The following WDR88 variants were observed in gnomAD, a reference collection of about 807,000 sequenced individuals.
The protein encoded by WDR88 is WD repeat-containing protein 88.
WDR88 carries 40 observed loss-of-function variants against 46.8 expected under a neutral mutation model. That is an observed-to-expected ratio of 0.86 (90% CI 0.66 to 1.11). The LOEUF (loss-of-function observed/expected upper bound fraction) is 1.11, where lower values mean the gene tolerates loss of function less well. Ranked by LOEUF, WDR88 falls within the 50% of genes most tolerant of loss-of-function variation. The pLI, the probability that WDR88 is intolerant of heterozygous loss-of-function variation, is 0.00. For synonymous variants in WDR88, 235 were observed against 240.7 expected (o/e 0.98, Z 0.22); for missense variants, 562 against 602.4 (o/e 0.93, Z 0.70).
intron 1 of WDR88, among the ~76,000 whole-genome samples, chr19:33,133,596 C>G (rs898342021): frequency 2.6e-5 from 4 of 152,222 alleles, no homozygotes; most frequent in Non-Finnish European, 4.4e-5. Flanking sequence ...ATTTATTGCA[C>G]TCACATGCAG....
Position 33,132,454 on chromosome 19 carries a change from C to T in WDR88, c.276+9C>T, listed in dbSNP as rs754830898. 1 of 1,613,140 alleles carries T rather than the reference C, an allele frequency of 6.2e-7. No homozygotes were observed. The highest frequency in any genetic ancestry group is 1.7e-5 in the Admixed American group (1 of 60,016). Reference sequence around the variant, plus strand: ...AGGACCCTCTCTCCAAGGTCAGAACCGCCGCTGGGGTGAGGGGGCACTGGC... The same window carrying T: ...AGGACCCTCTCTCCAAGGTCAGAACTGCCGCTGGGGTGAGGGGGCACTGGC... On this transcript the variant is annotated intron_variant, in intron 1 of 10. Transcript: ENST00000355868.
intron 2 of WDR88, 28 bp downstream of exon 2, chr19:33,137,815 G>A (rs772763433): frequency 6.3e-7 from 1 of 1,599,634 alleles, no homozygotes; most frequent in Non-Finnish European, 8.5e-7. Context: ...AGGTACTCCT[G>A]GAGCGAAAAC....
chr19:33,156,793 C>T (rs1451917234), intron 7 of WDR88, among the ~76,000 whole-genome samples: 3 of 152,176 alleles, frequency 2.0e-5, no homozygotes, highest in East Asian at 3.9e-4. Flanking sequence ...TCCAAGAGCA[C>T]GTCTGACTTC....
At chr19:33,142,901 G>A (rs949953027) in intron 2 of WDR88, 3 of 139,320 alleles carry the variant, frequency 2.2e-5, no homozygotes, top group Non-Finnish European at 4.6e-5. Flanking sequence ...CGGGAATAAC[G>A]TGGGAGAATT....
intron 10 of WDR88, chr19:33,174,543 C>T: frequency 1.0e-6 from 1 of 984,676 alleles, no homozygotes. Context: ...TTTCAGTGTA[C>T]TCTGTGAGCT....
chr19:33,174,372 A>T, intron 10 of WDR88: 4 of 1,431,762 alleles, frequency 2.8e-6, no homozygotes, highest in Non-Finnish European at 3.7e-6. Flanking sequence ...GGGCTGGGAG[A>T]GCCAGGGCAG....
At chr19:33,133,358 G>C (rs934537352) in intron 1 of WDR88, among the ~76,000 whole-genome samples, 2 of 151,948 alleles carry the variant, frequency 1.3e-5, no homozygotes, top group African/African-American at 4.8e-5. Context: ...GACCAGCCTG[G>C]CTAACATGGT....
At chr19:33,148,154 C>A (rs1973557827) in intron 4 of WDR88, among the ~76,000 whole-genome samples, 1 of 151,904 alleles carries the variant, frequency 6.6e-6, no homozygotes, top group Non-Finnish European at 1.5e-5. Flanking sequence ...AGTCTGTTCT[C>A]TTTATATCTT....
intron 2 of WDR88, among the ~76,000 whole-genome samples, 153 bp from the exon 3 acceptor site, chr19:33,144,691 T>C (rs10411926): frequency 0.39 from 59,478 of 152,040 alleles, 12,377 homozygotes; most frequent in South Asian, 0.62. Flanking sequence ...CAAAGTCCTT[T>C]CCTCTTTCGG....
intron 9 of WDR88, among the ~76,000 whole-genome samples, chr19:33,165,630 C>T (rs1018003333): frequency 3.9e-5 from 6 of 152,174 alleles, no homozygotes; most frequent in South Asian, 2.1e-4. Context: ...AAGTGGCTCA[C>T]GCCTGTAATC....
At chr19:33,156,855 CTCTG>C (rs1050847382) in intron 7 of WDR88, among the ~76,000 whole-genome samples, 25 of 152,188 alleles carry the variant, frequency 1.6e-4, no homozygotes, top group African/African-American at 6.0e-4. Context: ...AACCCTTCCA[CTCTG>C]TCTTTCAACC....
chr19:33,168,919 A>G (rs1973995181), intron 9 of WDR88, among the ~76,000 whole-genome samples: 1 of 152,154 alleles, frequency 6.6e-6, no homozygotes, highest in Non-Finnish European at 1.5e-5. Context: ...GGACAGACAT[A>G]TAGACAAATG....
chr19:33,147,769 G>T (rs992252818), intron 4 of WDR88, 61 bp downstream of exon 4: 6 of 1,538,892 alleles, frequency 3.9e-6, no homozygotes, highest in Non-Finnish European at 5.4e-6. Context: ...CAAGCCTCAG[G>T]CAGCTTTGGG....
In WDR88 at chr19:33,162,929, G is replaced by A. The variant is rs765137402; in HGVS notation, c.1081-1268G>A. ...AAATATAGAATGGGTAGGGCGCAGT[G>A]GCTCATGCCTGTAATCCCAGCACTT... On this transcript the variant is annotated intron_variant, in intron 8 of 10. Coordinates refer to ENST00000355868, the MANE Select transcript of WDR88 (RefSeq NM_173479.4). 8.6e-4 allele frequency among the ~76,000 whole-genome samples: 130 copies of A among 151,968 alleles called. 1 individual carries two copies. The highest frequency in any genetic ancestry group is 3.5e-4 in the Non-Finnish European group (24 of 68,004).
chr19:33,153,977 AG>A (rs2145395649), intron 6 of WDR88, among the ~76,000 whole-genome samples: 1 of 152,172 alleles, frequency 6.6e-6, no homozygotes, highest in African/African-American at 2.4e-5. Flanking sequence ...TTGAATCTGT[AG>A]GTTTATATAT....
Position 33,153,587 on chromosome 19 carries a change from C to G in WDR88, c.809+2277C>G, listed in dbSNP as rs371702227. Reference sequence around the variant, plus strand: ...TCGGCTCGCTGCAACCTCCGCCTCCCGGGTTCAAGCAATTCTCCTGCCTCA... The same window carrying G: ...TCGGCTCGCTGCAACCTCCGCCTCCGGGGTTCAAGCAATTCTCCTGCCTCA... On this transcript the variant is annotated intron_variant, in intron 6 of 10. Coordinates refer to ENST00000355868, the MANE Select transcript of WDR88 (RefSeq NM_173479.4). 2.0e-5 allele frequency among the ~76,000 whole-genome samples: 3 copies of G among 152,028 alleles called. No individual in the cohort carries two copies. The East Asian group carries it at 5.8e-4, about 29-fold the overall frequency.
At chr19:33,156,588 G>A in intron 7 of WDR88, 46 bp downstream of exon 7, 4 of 1,575,562 alleles carry the variant, frequency 2.5e-6, no homozygotes, top group Non-Finnish European at 3.5e-6. Context: ...TGGGAGTGCT[G>A]GGCAGAGTTC....
chr19:33,152,024 G>C (rs1973644436), intron 6 of WDR88, among the ~76,000 whole-genome samples: 1 of 152,064 alleles, frequency 6.6e-6, no homozygotes, highest in Admixed American at 6.6e-5. Flanking sequence ...CTGAGGTCAG[G>C]AGTTCGAGAC....
chr19:33,159,105 A>T (rs1026089903), intron 7 of WDR88, among the ~76,000 whole-genome samples: 2 of 151,232 alleles, frequency 1.3e-5, no homozygotes, highest in African/African-American at 4.9e-5. Context: ...CTGAGGCGGG[A>T]GTATTGCTTG....
Sources: gnomAD v4.1 joint callset for allele counts (sites outside exome capture counted in the v4.1 genomes callset) on GRCh38, gnomAD v4.1.1 for gene constraint, MANE v1.5 for transcripts, NCBI Gene and HGNC (gene_info 2026-07-23, HGNC 2026-07-21) for gene names.